The following SLC36A1 variants were observed in gnomAD, a reference collection of about 807,000 sequenced individuals.
SLC36A1 encodes proton-coupled amino acid transporter 1.
In SLC36A1, 30 loss-of-function variants were observed where a neutral mutation model predicts 47.5. That is an observed-to-expected ratio of 0.63 (90% CI 0.47 to 0.86). The LOEUF (loss-of-function observed/expected upper bound fraction) is 0.86, where lower values mean the gene tolerates loss of function less well. Ranked by LOEUF, SLC36A1 falls within the 40% of genes least tolerant of loss-of-function variation. The pLI is 0.00. For missense variants in SLC36A1, 517 were observed against 606.0 expected, an observed-to-expected ratio of 0.85 and a Z score of 1.54; for synonymous variants, 255 against 249.7, an observed-to-expected ratio of 1.02 and a Z score of -0.20.
At chr5:151,449,429 C>G (rs1753276606) in intron 1 of SLC36A1, among the ~76,000 whole-genome samples, 1 of 152,200 alleles carries the variant, frequency 6.6e-6, no homozygotes, top group Non-Finnish European at 1.5e-5. Context: ...CTACGTGCAG[C>G]AGAGGCTGTG....
the SLC36A1 span, among the ~76,000 whole-genome samples, chr5:151,409,422 GA>G: frequency 6.6e-6 from 1 of 152,198 alleles, no homozygotes; most frequent in African/African-American, 2.4e-5. Context: ...CTATCAAAAA[GA>G]AGAAACAGTG....
At chr5:151,467,397 G>A (rs1756589491) in intron 6 of SLC36A1, 114 bp downstream of exon 6, 3 of 758,988 alleles carry the variant, frequency 4.0e-6, no homozygotes, top group Non-Finnish European at 2.1e-6. Context: ...CAACAAAAGA[G>A]TTAAAGTTTT....
chr5:151,495,083 C>T (rs1220849153), downstream of SLC36A1, among the ~76,000 whole-genome samples: 2 of 152,186 alleles, frequency 1.3e-5, no homozygotes, highest in East Asian at 3.8e-4. Flanking sequence ...TCCAAAGTGG[C>T]CGTTCCTTGT....
At chr5:151,447,957 G>A (rs1753071767) in intron 1 of SLC36A1, 144 bp downstream of exon 1, 1 of 152,272 alleles carries the variant, frequency 6.6e-6, no homozygotes, top group Admixed American at 6.5e-5. Flanking sequence ...CCTTGACCTC[G>A]TGGGGTTGGG....
Position 151,473,657 on chromosome 5 carries a change from G to T in SLC36A1, c.724-16G>T, listed in dbSNP as rs761076753. 1.4e-5 allele frequency: 20 copies of T among 1,390,760 alleles called. No individual in the cohort carries two copies. Among genetic ancestry groups the T allele is most frequent in the Non-Finnish European group, 2.0e-6 (2 of 1,002,424 alleles). 86.2% of individuals were successfully genotyped at this position (1,390,760 alleles called of 1,614,324 possible). A position where few individuals can be genotyped will look rare whatever the true frequency, so the allele number is the denominator to read the frequency against. On this transcript the variant is annotated splice_polypyrimidine_tract_variant and intron_variant, in intron 7 of 10. Transcript: ENST00000243389. Reference sequence around the variant, plus strand: ...CTTTTGCTTTGTTTTGCTTTGTTTTGCTTTCTGTCTTTCAGAGGATCCCAG... The same window carrying T: ...CTTTTGCTTTGTTTTGCTTTGTTTTTCTTTCTGTCTTTCAGAGGATCCCAG...
At chr5:151,352,028 C>T in the SLC36A1 span, among the ~76,000 whole-genome samples, 13 of 152,184 alleles carry the variant, frequency 8.5e-5, no homozygotes, top group African/African-American at 3.1e-4. Flanking sequence ...GTCACATGGA[C>T]CTTTTTTCCT....
the SLC36A1 span, among the ~76,000 whole-genome samples, chr5:151,368,891 T>C: frequency 4.6e-5 from 7 of 152,196 alleles, no homozygotes; most frequent in African/African-American, 1.7e-4. Context: ...CCTGGCCCCT[T>C]AGAAAATCTA....
At chr5:151,481,415 A>G (rs1758785010) in intron 10 of SLC36A1, among the ~76,000 whole-genome samples, 1 of 152,188 alleles carries the variant, frequency 6.6e-6, no homozygotes. Flanking sequence ...ACTTAAATGT[A>G]TTTATGCGCG....
At chr5:151,383,161 T>G in the SLC36A1 span, among the ~76,000 whole-genome samples, 3 of 152,172 alleles carry the variant, frequency 2.0e-5, no homozygotes, top group Non-Finnish European at 4.4e-5. Context: ...AACCTGCAGC[T>G]GTTCCTCTTT....
chr5:151,381,756 C>T, the SLC36A1 span, among the ~76,000 whole-genome samples: 1 of 152,180 alleles, frequency 6.6e-6, no homozygotes. Context: ...CCTGTGATTT[C>T]AACCCTGACC....
the SLC36A1 span, among the ~76,000 whole-genome samples, chr5:151,382,629 C>T: frequency 6.6e-6 from 1 of 152,156 alleles, no homozygotes; most frequent in South Asian, 2.1e-4. Context: ...TGCATGTGGG[C>T]ACATGTGCTT....
the SLC36A1 span, among the ~76,000 whole-genome samples, chr5:151,430,031 C>A: frequency 1.9e-3 from 283 of 152,218 alleles, 1 homozygote; most frequent in African/African-American, 6.7e-3. Context: ...ATTCATTTTG[C>A]AAACCTTTAC....
At chr5:151,512,476 C>T in the SLC36A1 span, 20 of 1,614,050 alleles carry the variant, frequency 1.2e-5, no homozygotes, top group African/African-American at 8.0e-5. The surrounding 1 kb of genome is among the most constrained non-coding windows in gnomAD (Gnocchi z 4.1). Context: ...AACCATCAGG[C>T]GAATGGAAGC....
chr5:151,549,463 C>T, the SLC36A1 span: 1 of 1,614,046 alleles, frequency 6.2e-7, no homozygotes, highest in African/African-American at 1.3e-5. Context: ...TGAATGGTCA[C>T]CCACACGAAG....
chr5:151,358,903 A>G, the SLC36A1 span, among the ~76,000 whole-genome samples: 5 of 143,598 alleles, frequency 3.5e-5, no homozygotes, highest in Admixed American at 1.4e-4. Flanking sequence ...GAACCCGGGA[A>G]GCGGAGCTTG....
the SLC36A1 span, chr5:151,545,477 G>A: frequency 3.1e-6 from 5 of 1,614,178 alleles, no homozygotes; most frequent in African/African-American, 4.0e-5. Context: ...GGATGGATAG[G>A]CCCGACTATT....
At chr5:151,462,363 A>ATTT (rs139075390) in intron 2 of SLC36A1, among the ~76,000 whole-genome samples, 1 of 148,070 alleles carries the variant, frequency 6.8e-6, no homozygotes, top group African/African-American at 2.5e-5. Flanking sequence ...TCACCAATGG[A>ATTT]TTTTTTTTTT....
At chr5:151,478,081 G>C (rs1462355832) in intron 9 of SLC36A1, among the ~76,000 whole-genome samples, 2 of 152,150 alleles carry the variant, frequency 1.3e-5, no homozygotes, top group Non-Finnish European at 2.9e-5. Flanking sequence ...TCTATTCATG[G>C]AGCAAGTATG....
At chr5:151,396,348 G>A in the SLC36A1 span, among the ~76,000 whole-genome samples, 74,956 of 150,620 alleles carry the variant, frequency 0.5, 20,490 homozygotes, top group African/African-American at 0.75. Context: ...TGATCCACCC[G>A]TCTCGGCCTG....
Sources: gnomAD v4.1 joint callset for allele counts (sites outside exome capture counted in the v4.1 genomes callset) on GRCh38, gnomAD v4.1.1 for gene constraint, Gnocchi (gnomAD v3.1) non-coding constraint, MANE v1.5 for transcripts, NCBI Gene and HGNC (gene_info 2026-07-23, HGNC 2026-07-21) for gene names.